Variants in DTNBP1 observed in about 807,000 individuals in gnomAD.
The protein encoded by DTNBP1 is dysbindin.
A neutral mutation model predicts 42.8 loss-of-function variants in DTNBP1; 35 were observed. The ratio of observed to expected loss-of-function variants is 0.82; its 90% CI spans 0.63 to 1.09. The LOEUF is 1.09. Among genes scored for constraint, DTNBP1 ranks in the 50% least tolerant of loss-of-function variants. The probability of loss-of-function intolerance (pLI) is 0.00; values close to 1 mark genes in which losing one functional copy is unlikely to be tolerated. For synonymous variants in DTNBP1, 171 were observed against 162.2 expected (o/e 1.05, Z -0.41); for missense variants, 457 against 424.2 (o/e 1.08, Z -0.68).
chr6:15,593,088 G>GAA lies in DTNBP1; in HGVS notation c.489-9_489-8dup, dbSNP rs199770715. ...GAAGGTTTCAAGTTCCTTCCTGTAG[G>GAA]AAAAAAAAAAAAAAGACAAGACAAT... is the stretch of plus-strand genomic sequence containing the variant. On this transcript the variant is annotated splice_region_variant and splice_polypyrimidine_tract_variant and intron_variant, in intron 6 of 9. Coordinates refer to ENST00000344537, the MANE Select transcript of DTNBP1 (RefSeq NM_032122.5). 3.9e-3 allele frequency: 5,282 copies of GAA among 1,337,694 alleles called. No homozygotes were observed. Among genetic ancestry groups the GAA allele is most frequent in the East Asian group, 9.6e-3 (382 of 39,954 alleles). 82.9% of individuals were successfully genotyped at this position (1,337,694 alleles called of 1,614,324 possible).
intron 7 of DTNBP1, among the ~76,000 whole-genome samples, chr6:15,555,562 T>C (rs1281808149): frequency 6.6e-6 from 1 of 152,220 alleles, no homozygotes; most frequent in Non-Finnish European, 1.5e-5. Context: ...CTGCTCATTA[T>C]ACACTAGTTA....
intron 7 of DTNBP1, among the ~76,000 whole-genome samples, chr6:15,568,552 C>T (rs549293542): frequency 1.3e-5 from 2 of 151,998 alleles, no homozygotes; most frequent in Middle Eastern, 3.2e-3. Context: ...CATTTATACA[C>T]GAATTTTTTT....
In DTNBP1 at chr6:15,540,766, C is replaced by T. The variant is rs183001675; in HGVS notation, c.512-7371G>A. 5.9e-5 allele frequency among the ~76,000 whole-genome samples: 9 copies of T among 152,134 alleles called. No homozygotes were observed. The South Asian group carries it at 6.2e-4, about 11-fold the overall frequency. On this transcript the variant is annotated intron_variant, in intron 7 of 9. Coordinates refer to ENST00000344537, the MANE Select transcript of DTNBP1 (RefSeq NM_032122.5). ...ACGCCATTCTCCTGCCTCAGCCTCC[C>T]GAGTAGCTGGGACTACAGGTGCATG... is the stretch of plus-strand genomic sequence containing the variant.
chr6:15,659,706 C>T (rs954010399), intron 1 of DTNBP1, among the ~76,000 whole-genome samples: 25 of 152,050 alleles, frequency 1.6e-4, no homozygotes, highest in African/African-American at 5.6e-4. Context: ...ACGCACGCCA[C>T]CATGGCCAGC....
At position 15,523,138 on chromosome 6, in the gene DTNBP1, G is replaced by A. The variant is rs1772026271; in HGVS notation, c.893C>T (p.Ser298Phe). 1 of 1,614,252 alleles carries A rather than the reference G, an allele frequency of 6.2e-7. No individual in the cohort carries two copies. Among genetic ancestry groups the A allele is most frequent in the South Asian group, 1.1e-5 (1 of 91,090 alleles). Residue 298 changes from serine (S) to phenylalanine (F), a missense_variant, in exon 10 of 10, where the codon TCT becomes TTT. Ser to Phe is a radical substitution (Grantham distance 155). Coordinates refer to ENST00000344537, the MANE Select transcript of DTNBP1 (RefSeq NM_032122.5). The part of the protein sequence containing the change: ...PSELRAKPPS[S>F]SSTCTDSATR... ...GGCCGAGTCGGTGCAGGTGGAGGAAGAAGAAGGTGGCTTGGCTCTTAATTC... is the reference window on the plus strand; with the variant it reads ...GGCCGAGTCGGTGCAGGTGGAGGAAAAAGAAGGTGGCTTGGCTCTTAATTC...
chr6:15,660,773 CA>C (rs2113836524), intron 1 of DTNBP1, among the ~76,000 whole-genome samples: 2 of 152,236 alleles, frequency 1.3e-5, no homozygotes, highest in East Asian at 3.9e-4. Flanking sequence ...TGCCTTCTTA[CA>C]AAGGTCAGGA....
chr6:15,633,821 C>G (rs1199309263), intron 4 of DTNBP1, among the ~76,000 whole-genome samples: 1 of 151,998 alleles, frequency 6.6e-6, no homozygotes, highest in African/African-American at 2.4e-5. Flanking sequence ...AACTCTCAAC[C>G]AGAAAAAAGG....
rs567670531 is a variant in DTNBP1 at position 15,604,317 on chromosome 6, C to T, written c.488+10950G>A. Reference sequence around the variant, plus strand: ...CATTGCCTGCGGAAAAGTTCTCCTGCTCCCCTTTTCATTCAGCATCCAAAC... The same window carrying T: ...CATTGCCTGCGGAAAAGTTCTCCTGTTCCCCTTTTCATTCAGCATCCAAAC... On this transcript the variant is annotated intron_variant, in intron 6 of 9. Transcript: ENST00000344537. Among the ~76,000 whole-genome samples the T allele has an allele frequency of 2.6e-5, 4 of 152,324 alleles. No individual in the cohort carries two copies. The South Asian group carries it at 6.2e-4, about 24-fold the overall frequency.
chr6:15,537,916 T>C (rs538230115), intron 7 of DTNBP1, among the ~76,000 whole-genome samples: 2 of 152,318 alleles, frequency 1.3e-5, no homozygotes, highest in South Asian at 4.1e-4. Flanking sequence ...GTACAGAGAA[T>C]ACAAAAAATG....
chr6:15,608,428 T>C (rs1314330835), intron 6 of DTNBP1, among the ~76,000 whole-genome samples: 2 of 152,210 alleles, frequency 1.3e-5, no homozygotes, highest in Non-Finnish European at 2.9e-5. Context: ...CTTCATTTTT[T>C]CCCCCTTGGA....
At chr6:15,594,915 C>T (rs1776446888) in intron 6 of DTNBP1, among the ~76,000 whole-genome samples, 1 of 152,046 alleles carries the variant, frequency 6.6e-6, no homozygotes. Context: ...TTCTCCTACC[C>T]CCAAATACTA....
intron 7 of DTNBP1, among the ~76,000 whole-genome samples, chr6:15,559,140 A>G (rs1774696430): frequency 6.6e-6 from 1 of 152,236 alleles, no homozygotes; most frequent in Non-Finnish European, 1.5e-5. Context: ...TGGTTCAAGA[A>G]GTTTTGCAAA....
intron 7 of DTNBP1, among the ~76,000 whole-genome samples, chr6:15,590,380 T>C (rs1484540144): frequency 6.6e-6 from 1 of 152,164 alleles, no homozygotes; most frequent in Non-Finnish European, 1.5e-5. Flanking sequence ...GATAACCACC[T>C]TTCCTCCTTT....
chr6:15,581,147 A>G (rs1443866434), intron 7 of DTNBP1, among the ~76,000 whole-genome samples: 1 of 152,198 alleles, frequency 6.6e-6, no homozygotes, highest in Non-Finnish European at 1.5e-5. Context: ...ATGGCTAGAA[A>G]GAAGTAGAAA....
intron 7 of DTNBP1, chr6:15,579,804 T>C (rs768941981): frequency 6.0e-5 from 27 of 453,368 alleles, no homozygotes; most frequent in South Asian, 4.0e-4. Context: ...TGAGACTCCC[T>C]CTCAAAAAAA....
intron 8 of DTNBP1, among the ~76,000 whole-genome samples, chr6:15,529,667 G>A (rs1312437566): frequency 1.3e-5 from 2 of 152,190 alleles, no homozygotes; most frequent in South Asian, 2.1e-4. Context: ...GACATCTATG[G>A]GAACACAGAG....
intron 7 of DTNBP1, among the ~76,000 whole-genome samples, chr6:15,574,664 C>T (rs540397026): frequency 1.4e-4 from 21 of 152,280 alleles, no homozygotes; most frequent in African/African-American, 4.8e-4. Flanking sequence ...CAAGCTGTTC[C>T]GCTCAAATGC....
chr6:15,544,671 G>A (rs924671519), intron 7 of DTNBP1, among the ~76,000 whole-genome samples: 11 of 152,212 alleles, frequency 7.2e-5, no homozygotes, highest in Non-Finnish European at 1.2e-4. Flanking sequence ...GCTCATGGGA[G>A]CATTTAGGAT....
chr6:15,595,129 A>T (rs1396909091), intron 6 of DTNBP1: 2 of 456,406 alleles, frequency 4.4e-6, no homozygotes, highest in African/African-American at 4.0e-5. Context: ...ACTGTCAGCG[A>T]AATTTCCAGG....
Sources: allele counts gnomAD v4.1 joint callset (sites outside exome capture counted in the v4.1 genomes callset), GRCh38; gene constraint gnomAD v4.1.1; transcripts MANE v1.5; gene names NCBI Gene and HGNC (gene_info 2026-07-23, HGNC 2026-07-21).